The following KCNH8 variants were observed in gnomAD, a reference collection of about 807,000 sequenced individuals.
KCNH8 encodes the protein potassium voltage-gated channel subfamily H member 8, also known as voltage-gated delayed rectifier potassium channel KCNH8.
A neutral mutation model predicts 103.6 loss-of-function variants in KCNH8; 70 were observed. The observed-to-expected ratio is 0.68, with a 90% CI of 0.56 to 0.82. KCNH8 has a LOEUF of 0.82. KCNH8 is among the 40% of genes least tolerant of loss of function. KCNH8 has a pLI of 0.00. For synonymous variants in KCNH8, 498 were observed against 489.4 expected, an observed-to-expected ratio of 1.02 and a Z score of -0.23; for missense variants, 1,217 against 1,329.9, an observed-to-expected ratio of 0.92 and a Z score of 1.32.
intron 6 of KCNH8, among the ~76,000 whole-genome samples, chr3:19,394,322 C>A (rs1343424617): frequency 6.6e-6 from 1 of 151,996 alleles, no homozygotes; most frequent in Non-Finnish European, 1.5e-5. Flanking sequence ...CTGGTCCACA[C>A]CAATGATACA....
At chr3:19,490,322 C>A (rs1446794371) in intron 11 of KCNH8, among the ~76,000 whole-genome samples, 1 of 152,226 alleles carries the variant, frequency 6.6e-6, no homozygotes, top group Non-Finnish European at 1.5e-5. Context: ...TGCAGACTCA[C>A]ATCTCCAAAA....
intron 1 of KCNH8, among the ~76,000 whole-genome samples, chr3:19,155,037 G>A (rs187657136): frequency 2.2e-4 from 34 of 152,306 alleles, no homozygotes; most frequent in Non-Finnish European, 4.3e-4. Context: ...GGCAAATATA[G>A]TTATTGGATT....
At chr3:19,404,872 A>G (rs1289558070) in intron 7 of KCNH8, among the ~76,000 whole-genome samples, 2 of 151,816 alleles carry the variant, frequency 1.3e-5, no homozygotes, top group Non-Finnish European at 2.9e-5. Flanking sequence ...TTAATTATGC[A>G]TACTTATGGC....
chr3:19,248,775 T>C (rs2064239314), intron 1 of KCNH8, among the ~76,000 whole-genome samples: 1 of 152,174 alleles, frequency 6.6e-6, no homozygotes, highest in Non-Finnish European at 1.5e-5. Flanking sequence ...TTTTTTATTT[T>C]CATCTTTTAT....
chr3:19,254,945 G>A (rs760176880), intron 2 of KCNH8, among the ~76,000 whole-genome samples: 1 of 152,076 alleles, frequency 6.6e-6, no homozygotes, highest in Non-Finnish European at 1.5e-5. Flanking sequence ...TTCCCATGGT[G>A]TGGACAGAAC....
intron 2 of KCNH8, among the ~76,000 whole-genome samples, chr3:19,277,072 C>G (rs2064684588): frequency 6.6e-6 from 1 of 152,022 alleles, no homozygotes; most frequent in African/African-American, 2.4e-5. Context: ...ACTGGAGGCC[C>G]TTATGTTGAG....
chr3:19,412,493 ATAAC>A (rs2066795874), intron 7 of KCNH8, among the ~76,000 whole-genome samples: 1 of 152,068 alleles, frequency 6.6e-6, no homozygotes, highest in Non-Finnish European at 1.5e-5. Flanking sequence ...GAAAGAATTT[ATAAC>A]TAAATAGTCA....
intron 2 of KCNH8, among the ~76,000 whole-genome samples, chr3:19,264,881 G>A (rs1251262858): frequency 6.6e-6 from 1 of 151,996 alleles, no homozygotes; most frequent in Non-Finnish European, 1.5e-5. Flanking sequence ...GGGAGGGCTG[G>A]GATCCAAGTC....
intron 5 of KCNH8, among the ~76,000 whole-genome samples, chr3:19,377,507 C>G (rs1026055825): frequency 5.3e-5 from 8 of 152,162 alleles, no homozygotes; most frequent in African/African-American, 1.9e-4. Context: ...CTGGTTTTTC[C>G]TGAAGTTCAA....
At chr3:19,502,424 T>A (rs1337585373) in intron 11 of KCNH8, among the ~76,000 whole-genome samples, 1 of 151,506 alleles carries the variant, frequency 6.6e-6, no homozygotes, top group Non-Finnish European at 1.5e-5. Flanking sequence ...AAAAACTACT[T>A]TAAAGTTCAT....
At chr3:19,350,242 TGGGGACAAA>T (rs2065781760) in intron 5 of KCNH8, among the ~76,000 whole-genome samples, 1 of 152,122 alleles carries the variant, frequency 6.6e-6, no homozygotes, top group Non-Finnish European at 1.5e-5. Flanking sequence ...GTTAAAATAC[TGGGGACAAA>T]ATAGTTGCCT....
chr3:19,500,595 T>A (rs1391531240), intron 11 of KCNH8, among the ~76,000 whole-genome samples: 1 of 152,166 alleles, frequency 6.6e-6, no homozygotes, highest in Non-Finnish European at 1.5e-5. Flanking sequence ...CAGACCATAG[T>A]GCAATCAAAC....
At chr3:19,467,983 T>C (rs2067777958) in intron 11 of KCNH8, among the ~76,000 whole-genome samples, 1 of 151,762 alleles carries the variant, frequency 6.6e-6, no homozygotes, top group Non-Finnish European at 1.5e-5. Flanking sequence ...CTCTGCTGCC[T>C]CAGGGCCTTT....
intron 1 of KCNH8, among the ~76,000 whole-genome samples, chr3:19,170,798 A>G (rs1226142561): frequency 1.9e-5 from 2 of 105,078 alleles, no homozygotes; most frequent in Non-Finnish European, 3.7e-5. Context: ...ACATATATAT[A>G]TATATATATA....
At chr3:19,452,741 G>A (rs895403459) in intron 10 of KCNH8, among the ~76,000 whole-genome samples, 1 of 152,128 alleles carries the variant, frequency 6.6e-6, no homozygotes, top group South Asian at 2.1e-4. Context: ...CACACACAAG[G>A]TCTCATTTAA....
intron 11 of KCNH8, among the ~76,000 whole-genome samples, chr3:19,459,471 CTGAGT>C (rs1164333733): frequency 1.3e-5 from 2 of 151,834 alleles, no homozygotes; most frequent in East Asian, 3.9e-4. Flanking sequence ...ATTGTTGTTA[CTGAGT>C]TGAGTTTATG....
chr3:19,246,070 C>T (rs375610369), intron 1 of KCNH8, among the ~76,000 whole-genome samples: 5 of 152,092 alleles, frequency 3.3e-5, no homozygotes, highest in African/African-American at 9.6e-5. Context: ...GATGATTTTG[C>T]TAATTCTAAA....
At chr3:19,409,865 TC>T (rs1333087505) in intron 7 of KCNH8, among the ~76,000 whole-genome samples, 1 of 152,046 alleles carries the variant, frequency 6.6e-6, no homozygotes, top group Non-Finnish European at 1.5e-5. Context: ...GCACCCAAAT[TC>T]ATAAAATGAG....
intron 11 of KCNH8, among the ~76,000 whole-genome samples, chr3:19,504,405 G>A (rs1486241974): frequency 6.6e-6 from 1 of 152,006 alleles, no homozygotes; most frequent in Non-Finnish European, 1.5e-5. Context: ...CCTACAGAGT[G>A]GTAGAAAATT....
Sources: allele counts gnomAD v4.1 joint callset (sites outside exome capture counted in the v4.1 genomes callset), GRCh38; gene constraint gnomAD v4.1.1; transcripts MANE v1.5; gene names NCBI Gene and HGNC (gene_info 2026-07-23, HGNC 2026-07-21).